Variants in SNRNP40 observed in about 807,000 individuals in gnomAD.
The protein encoded by SNRNP40 is U5 small nuclear ribonucleoprotein 40 kDa protein.
In SNRNP40, 21 loss-of-function variants were observed where a neutral mutation model predicts 45.8. The observed-to-expected ratio is 0.46, with a 90% CI of 0.32 to 0.66. The LOEUF is 0.66. Among genes scored for constraint, SNRNP40 ranks in the 30% least tolerant of loss-of-function variants. The pLI, the probability that SNRNP40 is intolerant of heterozygous loss-of-function variation, is 0.03. For missense variants in SNRNP40, 344 were observed against 439.1 expected, an observed-to-expected ratio of 0.78 and a Z score of 1.94; for synonymous variants, 142 against 163.8, an observed-to-expected ratio of 0.87 and a Z score of 1.01.
At chr1:31,279,789 G>A (rs1488050259) in intron 5 of SNRNP40, among the ~76,000 whole-genome samples, 4 of 151,212 alleles carry the variant, frequency 2.6e-5, no homozygotes, top group African/African-American at 9.7e-5. Context: ...AAGAAGTGAC[G>A]AAGGATTGAA....
intron 5 of SNRNP40, among the ~76,000 whole-genome samples, chr1:31,275,321 G>A (rs1487301542): frequency 6.6e-6 from 1 of 152,106 alleles, no homozygotes; most frequent in Non-Finnish European, 1.5e-5. Context: ...AAATTTATGA[G>A]GTCTTTTAGG....
intron 1 of SNRNP40, 131 bp from the exon 2 acceptor site, chr1:31,293,479 G>C (rs1646121115): frequency 1.1e-6 from 1 of 880,918 alleles, no homozygotes; most frequent in South Asian, 1.9e-5. Flanking sequence ...TTACAGAATG[G>C]TAGCTCTTCT....
intron 5 of SNRNP40, among the ~76,000 whole-genome samples, chr1:31,275,479 T>C (rs1645968440): frequency 6.6e-6 from 1 of 151,852 alleles, no homozygotes; most frequent in African/African-American, 2.4e-5. Context: ...AACCTCCACC[T>C]CCCGGGTTCA....
At chr1:31,282,685 A>G (rs1229810408) in intron 4 of SNRNP40, among the ~76,000 whole-genome samples, 3 of 151,158 alleles carry the variant, frequency 2.0e-5, no homozygotes, top group African/African-American at 4.9e-5. Context: ...CTATCTATCT[A>G]TCTATCTAGG....
At chr1:31,275,383 T>G (rs1341369519) in intron 5 of SNRNP40, among the ~76,000 whole-genome samples, 1 of 152,086 alleles carries the variant, frequency 6.6e-6, no homozygotes, top group Non-Finnish European at 1.5e-5. Context: ...CCCCTCTGCA[T>G]GTAACAACAG....
At chr1:31,289,130 T>C in intron 4 of SNRNP40, 124 bp downstream of exon 4, 1 of 748,016 alleles carries the variant, frequency 1.3e-6, no homozygotes, top group East Asian at 2.6e-5. Flanking sequence ...AAATTTCAAG[T>C]GTGTTATGGG....
intron 4 of SNRNP40, chr1:31,281,745 A>G (rs1569659179): frequency 3.2e-6 from 1 of 307,980 alleles, no homozygotes; most frequent in Non-Finnish European, 6.1e-6. Flanking sequence ...AAGTGAACAG[A>G]GTTAAATCAA....
intron 8 of SNRNP40, chr1:31,263,561 CT>C: frequency 2.2e-6 from 1 of 451,382 alleles, no homozygotes. Flanking sequence ...ACTTTATAGC[CT>C]TATCAAACTG....
At chr1:31,287,499 T>C (rs944989888) in intron 4 of SNRNP40, among the ~76,000 whole-genome samples, 1 of 152,172 alleles carries the variant, frequency 6.6e-6, no homozygotes, top group Non-Finnish European at 1.5e-5. Flanking sequence ...CCCTCAATAA[T>C]AATGTTAACA....
At chr1:31,288,673 T>TTTTG (rs1174753467) in intron 4 of SNRNP40, among the ~76,000 whole-genome samples, 174 of 152,238 alleles carry the variant, frequency 1.1e-3, no homozygotes, top group Non-Finnish European at 1.9e-3. Context: ...CAGCCTTTTT[T>TTTTG]TTTTTTTTGC....
At chr1:31,289,974 C>T (rs528163248) in intron 3 of SNRNP40, among the ~76,000 whole-genome samples, 9 of 152,280 alleles carry the variant, frequency 5.9e-5, no homozygotes, top group African/African-American at 2.2e-4. Flanking sequence ...ATCCTCCCAC[C>T]TCAGCCTCCT....
chr1:31,292,817 C>T (rs930766493), intron 2 of SNRNP40: 5 of 173,286 alleles, frequency 2.9e-5, no homozygotes, highest in Non-Finnish European at 6.2e-5. Flanking sequence ...TTCCTTCCTT[C>T]CCATATGCTA....
At chr1:31,269,408 C>G in intron 6 of SNRNP40, 168 bp from the exon 7 acceptor site, 1 of 1,375,500 alleles carries the variant, frequency 7.3e-7, no homozygotes, top group South Asian at 1.8e-5. Context: ...TTTTCTTTTT[C>G]AAGCAGGAAA....
chr1:31,281,356 C>T lies in SNRNP40; in HGVS notation c.654+18G>A, dbSNP rs538348392. On this transcript the variant is annotated intron_variant, in intron 5 of 9. Coordinates refer to ENST00000263694, the MANE Select transcript of SNRNP40 (RefSeq NM_004814.3). ...GCAGATAGATGAAATGGAAATATAT[C>T]ATAAACATCAAACATACCTTGATAT... 2 of 1,560,424 alleles carry T rather than the reference C, an allele frequency of 1.3e-6. No homozygotes were observed. The highest frequency in any genetic ancestry group is 2.3e-5 in the East Asian group (1 of 43,990).
At chr1:31,293,583 C>T (rs952089105) in intron 1 of SNRNP40, among the ~76,000 whole-genome samples, 17 of 152,040 alleles carry the variant, frequency 1.1e-4, no homozygotes, top group Admixed American at 3.3e-4. Flanking sequence ...TCTTGTTGTA[C>T]GACCAACTTT....
chr1:31,277,512 T>C (rs1645984091), intron 5 of SNRNP40, among the ~76,000 whole-genome samples: 1 of 152,168 alleles, frequency 6.6e-6, no homozygotes. Flanking sequence ...TTAAGGTAAA[T>C]AAGCAGACAA....
At chr1:31,285,949 C>G (rs753318519) in intron 4 of SNRNP40, among the ~76,000 whole-genome samples, 3 of 152,040 alleles carry the variant, frequency 2.0e-5, no homozygotes, top group Non-Finnish European at 4.4e-5. Flanking sequence ...CTAATTAGGT[C>G]GATTTGATAA....
At chr1:31,288,032 G>A (rs563041561) in intron 4 of SNRNP40, among the ~76,000 whole-genome samples, 2 of 152,094 alleles carry the variant, frequency 1.3e-5, no homozygotes, top group South Asian at 4.2e-4. Context: ...GTATGGTGGT[G>A]TGCACCTGTA....
At chr1:31,285,394 C>G (rs1002040938) in intron 4 of SNRNP40, among the ~76,000 whole-genome samples, 5 of 152,050 alleles carry the variant, frequency 3.3e-5, no homozygotes. Context: ...GCATCTGCCA[C>G]CATGCCCGGC....
Sources: allele counts gnomAD v4.1 joint callset (sites outside exome capture counted in the v4.1 genomes callset), GRCh38; gene constraint gnomAD v4.1.1; transcripts MANE v1.5; gene names NCBI Gene and HGNC (gene_info 2026-07-23, HGNC 2026-07-21).